SGIP1: variants seen among roughly 807,000 people sequenced by gnomAD.
SGIP1 encodes the protein SH3-containing GRB2-like protein 3-interacting protein 1.
A neutral mutation model predicts 107.5 loss-of-function variants in SGIP1; 38 were observed. The ratio of observed to expected loss-of-function variants is 0.35; its 90% CI spans 0.27 to 0.46. The LOEUF (loss-of-function observed/expected upper bound fraction) is 0.46, where lower values mean the gene tolerates loss of function less well. Ranked by LOEUF, SGIP1 falls within the 20% of genes least tolerant of loss-of-function variation. The pLI is 1.00. For missense variants in SGIP1, 929 were observed against 1,019.5 expected (o/e 0.91, Z 1.21); for synonymous variants, 365 against 366.1 (o/e 1.00, Z 0.03).
intron 1 of SGIP1, among the ~76,000 whole-genome samples, chr1:66,557,966 C>T (rs1157862052): frequency 1.3e-5 from 2 of 152,080 alleles, no homozygotes; most frequent in African/African-American, 4.8e-5. Context: ...AGTTTGCCTG[C>T]TGGAGCATGA....
chr1:66,547,890 C>T (rs756965586), intron 1 of SGIP1, among the ~76,000 whole-genome samples: 3 of 152,084 alleles, frequency 2.0e-5, no homozygotes, highest in Admixed American at 2.0e-4. Context: ...ACTGAGACCC[C>T]TATACCTTGT....
At chr1:66,714,254 T>C (rs499263) in intron 18 of SGIP1, among the ~76,000 whole-genome samples, 96,397 of 151,944 alleles carry the variant, frequency 0.63, 31,377 homozygotes, top group East Asian at 1. Context: ...CATTGTCCCT[T>C]GACATACAGA....
At chr1:66,564,292 CT>C (rs1368723680) in intron 1 of SGIP1, among the ~76,000 whole-genome samples, 3 of 151,886 alleles carry the variant, frequency 2.0e-5, no homozygotes, top group Non-Finnish European at 4.4e-5. Flanking sequence ...TCTCCTCAGG[CT>C]CAGTCCATTG....
Position 66,590,863 on chromosome 1 carries a change from G to A in SGIP1, c.11-34984G>A, listed in dbSNP as rs1376063947. On this transcript the variant is annotated intron_variant, in intron 1 of 24. Transcript: ENST00000371037. ...ACCTTCCAAAGTGCTAGAGTTACAG[G>A]CCTGATCCACTGCACCTGGCATATA... Among the ~76,000 whole-genome samples, 3 of 152,062 alleles carry A rather than the reference G, an allele frequency of 2.0e-5. No individual in the cohort carries two copies. In the East Asian group the frequency reaches 5.8e-4, roughly 29 times the overall value.
intron 15 of SGIP1, among the ~76,000 whole-genome samples, chr1:66,683,324 T>C (rs2087248624): frequency 6.6e-6 from 1 of 152,170 alleles, no homozygotes. Context: ...TGTTTTTCCT[T>C]TTGCTGTGAA....
chr1:66,539,769 C>G (rs2054464054), intron 1 of SGIP1, among the ~76,000 whole-genome samples: 1 of 152,180 alleles, frequency 6.6e-6, no homozygotes, highest in Non-Finnish European at 1.5e-5. Flanking sequence ...CCCAGCAAAA[C>G]TGTCACCTCC....
intron 7 of SGIP1, among the ~76,000 whole-genome samples, chr1:66,652,922 C>T (rs1438757271): frequency 6.6e-6 from 1 of 152,190 alleles, no homozygotes; most frequent in Non-Finnish European, 1.5e-5. Flanking sequence ...AGAGGTTCAG[C>T]TTGAGTTCTA....
At chr1:66,678,803 T>C (rs920545297) in intron 13 of SGIP1, among the ~76,000 whole-genome samples, 2 of 152,212 alleles carry the variant, frequency 1.3e-5, no homozygotes, top group Non-Finnish European at 2.9e-5. Flanking sequence ...TCTCCAGCCA[T>C]GTGCCTACCT....
At chr1:66,655,120 A>C (rs1158823395) in intron 7 of SGIP1, among the ~76,000 whole-genome samples, 1 of 152,134 alleles carries the variant, frequency 6.6e-6, no homozygotes, top group Non-Finnish European at 1.5e-5. Flanking sequence ...TCCACACCTC[A>C]GAACTCCTGA....
At chr1:66,631,586 G>A (rs1168914008) in intron 2 of SGIP1, among the ~76,000 whole-genome samples, 1 of 151,980 alleles carries the variant, frequency 6.6e-6, no homozygotes, top group African/African-American at 2.4e-5. Context: ...AATTTTGAAG[G>A]GATGTTGGTG....
chr1:66,594,767 A>G (rs2064291991), intron 1 of SGIP1, among the ~76,000 whole-genome samples: 1 of 152,158 alleles, frequency 6.6e-6, no homozygotes, highest in Admixed American at 6.5e-5. Context: ...GGTTGCTGAT[A>G]TTCTCAAGTC....
intron 13 of SGIP1, among the ~76,000 whole-genome samples, chr1:66,679,121 T>G (rs917092375): frequency 5.9e-5 from 9 of 152,172 alleles, no homozygotes; most frequent in East Asian, 1.9e-4. Context: ...AGCAGTTAGT[T>G]TGCTTCTAAC....
Position 66,745,285 on chromosome 1 carries a change from A to G in SGIP1, c.*2190A>G, listed in dbSNP as rs1042625880. The G allele has an allele frequency of 2.0e-5, 3 of 152,160 alleles. No individual in the cohort carries two copies. Among genetic ancestry groups the G allele is most frequent in the Admixed American group, 2.0e-4 (3 of 15,280 alleles). 9.4% of individuals were successfully genotyped at this position (152,160 alleles called of 1,614,324 possible). On this transcript the variant is annotated 3_prime_UTR_variant, in exon 25 of 25. Transcript: ENST00000371037. ...GGGATTAAATTAGAAACTATGAAGA[A>G]ATCCTATAATCTCTTAACTGGTCTT... is the stretch of plus-strand genomic sequence containing the variant.
At chr1:66,590,497 G>A (rs558242159) in intron 1 of SGIP1, 1 of 152,116 alleles carries the variant, frequency 6.6e-6, no homozygotes, top group African/African-American at 2.4e-5. Context: ...GAGTGCAGTG[G>A]TGTGATCCTA....
intron 19 of SGIP1, among the ~76,000 whole-genome samples, chr1:66,723,794 G>A (rs1026816713): frequency 2.6e-5 from 4 of 152,064 alleles, no homozygotes; most frequent in African/African-American, 9.7e-5. Flanking sequence ...ATTATGCACC[G>A]TTGCCTTCCC....
At chr1:66,626,254 C>G (rs1380465749) in intron 2 of SGIP1, 1 of 166,684 alleles carries the variant, frequency 6.0e-6, no homozygotes, top group Non-Finnish European at 1.3e-5. Flanking sequence ...ATAGGGTTGA[C>G]CTTACAATCT....
chr1:66,721,497 C>T (rs2093531290), intron 19 of SGIP1, among the ~76,000 whole-genome samples: 1 of 152,180 alleles, frequency 6.6e-6, no homozygotes, highest in Non-Finnish European at 1.5e-5. Context: ...CAGCCTCAAC[C>T]TCCCAGTCTC....
At chr1:66,667,882 T>C (rs961076217) in intron 9 of SGIP1, among the ~76,000 whole-genome samples, 12 of 152,076 alleles carry the variant, frequency 7.9e-5, no homozygotes, top group African/African-American at 1.9e-4. Context: ...TAGAAGTTGA[T>C]AGCAAAGAGA....
intron 15 of SGIP1, among the ~76,000 whole-genome samples, chr1:66,688,173 T>C (rs1281384545): frequency 6.6e-6 from 1 of 152,220 alleles, no homozygotes; most frequent in Non-Finnish European, 1.5e-5. Context: ...TAGAATTTTC[T>C]TGGGATGATT....
Sources: allele counts gnomAD v4.1 joint callset (sites outside exome capture counted in the v4.1 genomes callset), GRCh38; gene constraint gnomAD v4.1.1; transcripts MANE v1.5; gene names NCBI Gene and HGNC (gene_info 2026-07-23, HGNC 2026-07-21).